The following CHD8 variants were observed in gnomAD, a reference collection of about 807,000 sequenced individuals.
The protein encoded by CHD8 is chromodomain helicase DNA binding protein 8, also known as ATP-dependent chromatin remodeler CHD8.
A neutral mutation model predicts 279.2 loss-of-function variants in CHD8; 31 were observed. The observed-to-expected ratio is 0.11, with a 90% CI of 0.08 to 0.15. CHD8 has a LOEUF of 0.15. Among genes scored for constraint, CHD8 ranks in the 10% least tolerant of loss-of-function variants. The pLI, the probability that CHD8 is intolerant of heterozygous loss-of-function variation, is 1.00. For synonymous variants in CHD8, 1,081 were observed against 1,139.6 expected (o/e 0.95, Z 1.04); for missense variants, 2,146 against 3,230.5 (o/e 0.66, Z 8.14).
intron 1 of CHD8, among the ~76,000 whole-genome samples, chr14:21,445,936 G>T (rs1007618922): frequency 2.0e-5 from 3 of 152,116 alleles, no homozygotes; most frequent in African/African-American, 7.2e-5. Context: ...GGAGGTGAAG[G>T]TTGCAGTGAG....
At chr14:21,454,325 C>T (rs1038351965) in intron 1 of CHD8, among the ~76,000 whole-genome samples, 92 of 152,282 alleles carry the variant, frequency 6.0e-4, no homozygotes, top group Non-Finnish European at 1.1e-3. Context: ...TTATCCCAAT[C>T]CATTACTCCT....
At chr14:21,448,705 C>T (rs557980774) in intron 1 of CHD8, among the ~76,000 whole-genome samples, 44 of 151,962 alleles carry the variant, frequency 2.9e-4, no homozygotes, top group Admixed American at 2.5e-3. Flanking sequence ...TACAGGCGCG[C>T]GCCACTACAC....
intron 37 of CHD8, among the ~76,000 whole-genome samples, chr14:21,387,631 T>A (rs1226612947): frequency 1.7e-5 from 2 of 114,886 alleles, no homozygotes; most frequent in Non-Finnish European, 3.4e-5. Context: ...AGAGTGAAAC[T>A]CTGTATCAAA....
intron 9 of CHD8, 175 bp downstream of exon 9, chr14:21,414,126 C>T: frequency 1.8e-6 from 1 of 566,044 alleles, no homozygotes; most frequent in Non-Finnish European, 3.1e-6. Flanking sequence ...CATATTTAAA[C>T]CTAACAAAAC....
At chr14:21,434,515 A>T (rs1889698534) in intron 1 of CHD8, among the ~76,000 whole-genome samples, 1 of 152,056 alleles carries the variant, frequency 6.6e-6, no homozygotes, top group African/African-American at 2.4e-5. Context: ...AAATAGGAGA[A>T]ACAAGGCTGA....
At chr14:21,444,474 T>A (rs1450568818) in intron 1 of CHD8, among the ~76,000 whole-genome samples, 3 of 152,070 alleles carry the variant, frequency 2.0e-5, no homozygotes, top group African/African-American at 7.2e-5. Flanking sequence ...GATTCTAGAG[T>A]CTGAAGATCA....
intron 1 of CHD8, among the ~76,000 whole-genome samples, chr14:21,455,444 T>C (rs1208005965): frequency 6.6e-6 from 1 of 152,168 alleles, no homozygotes; most frequent in Non-Finnish European, 1.5e-5. Context: ...TCAAGGAGGA[T>C]GCAAGGCTTG....
chr14:21,400,848 A>C lies in CHD8; in HGVS notation c.4370+27T>G, dbSNP rs776835724. On this transcript the variant is annotated intron_variant, in intron 22 of 37. Transcript: ENST00000646647. The surrounding 1 kb of genome is among the most constrained non-coding windows in gnomAD (Gnocchi z 4.2). ...TCAGGATGGAGATGCACTATGCACT[A>C]CCTCTAATGGTAAGTTGGGGTCTTA... 4.0e-5 allele frequency: 63 copies of C among 1,575,252 alleles called. No individual in the cohort carries two copies. The highest frequency in any genetic ancestry group is 5.3e-5 in the Non-Finnish European group (61 of 1,161,358).
intron 5 of CHD8, among the ~76,000 whole-genome samples, chr14:21,421,797 A>C (rs1052455581): frequency 2.0e-5 from 3 of 152,184 alleles, no homozygotes; most frequent in African/African-American, 4.8e-5. Flanking sequence ...GAAATTGGGA[A>C]TAGGGCTTCC....
chr14:21,405,006 A>G lies in CHD8; in HGVS notation c.3307+203T>C. Reference sequence around the variant, plus strand: ...GCCATCACACCTGGCTAATTTTTGTATTTTTTGTAGAGGTGGGATTTCATC... The same window carrying G: ...GCCATCACACCTGGCTAATTTTTGTGTTTTTTGTAGAGGTGGGATTTCATC... On this transcript the variant is annotated intron_variant, in intron 16 of 37. Transcript: ENST00000646647. The surrounding 1 kb of genome is among the most constrained non-coding windows in gnomAD (Gnocchi z 4.2). 1.8e-6 allele frequency: 1 copy of G among 564,868 alleles called. No homozygotes were observed. The highest frequency in any genetic ancestry group is 3.0e-5 in the East Asian group (1 of 33,336). 35.0% of individuals were successfully genotyped at this position (564,868 alleles called of 1,614,324 possible).
At chr14:21,429,592 G>A (rs747265316) in intron 2 of CHD8, 1 of 576,454 alleles carries the variant, frequency 1.7e-6, no homozygotes, top group East Asian at 3.6e-5. Flanking sequence ...GCAAGGGAGT[G>A]CTGCCCTGCT....
At position 21,400,684 on chromosome 14, in the gene CHD8, T is replaced by C; in HGVS notation, c.4371-72A>G. The C allele has an allele frequency of 7.3e-7, 1 of 1,367,046 alleles. No individual in the cohort carries two copies. The highest frequency in any genetic ancestry group is 9.8e-7 in the Non-Finnish European group (1 of 1,017,406). 84.7% of individuals were successfully genotyped at this position (1,367,046 alleles called of 1,614,324 possible). The stretch of plus-strand genomic sequence containing the variant: ...CCCCTGTCCCTCAGAATCATGTCTC[T>C]GAAAAGGTGTGAAACAAAGATCTTA... On this transcript the variant is annotated intron_variant, in intron 22 of 37. Transcript: ENST00000646647. This position sits in a 1 kb window ranked among gnomAD's most constrained non-coding sequence, Gnocchi z 4.2.
chr14:21,408,196 C>T lies in CHD8; in HGVS notation c.2730+116G>A. On this transcript the variant is annotated intron_variant, in intron 13 of 37. Coordinates refer to ENST00000646647, the MANE Select transcript of CHD8 (RefSeq NM_001170629.2). The surrounding 1 kb of genome is among the most constrained non-coding windows in gnomAD (Gnocchi z 4.3). The stretch of plus-strand genomic sequence containing the variant: ...ATGCCTTAAACCATAGGCATTTTTG[C>T]ATAGGCATATTGAAGACTTTCAATA... 7.9e-7 allele frequency: 1 copy of T among 1,268,008 alleles called. No homozygotes were observed. The highest frequency in any genetic ancestry group is 1.1e-6 in the Non-Finnish European group (1 of 922,980). The allele number at this position is 1,268,008 out of a possible 1,614,324, so 78.5% of individuals were successfully genotyped here. A position where few individuals can be genotyped will look rare whatever the true frequency, so the allele number is the denominator to read the frequency against.
intron 36 of CHD8, 28 bp downstream of exon 36, chr14:21,391,435 A>C: frequency 6.8e-6 from 11 of 1,605,918 alleles, no homozygotes; most frequent in East Asian, 2.2e-5. Flanking sequence ...AATGACTTTA[A>C]ATCTTGCTGG....
chr14:21,396,205 A>C (rs1183599481), intron 27 of CHD8, among the ~76,000 whole-genome samples: 2 of 151,978 alleles, frequency 1.3e-5, no homozygotes, highest in African/African-American at 4.8e-5. Context: ...CATATTGCCC[A>C]GGCTCATCTC....
chr14:21,441,868 G>A (rs998451119), intron 1 of CHD8, among the ~76,000 whole-genome samples: 2 of 149,600 alleles, frequency 1.3e-5, no homozygotes, highest in African/African-American at 2.5e-5. Context: ...CAGCCTGGGT[G>A]ACAGAGCGAG....
intron 33 of CHD8, 88 bp downstream of exon 33, chr14:21,393,018 T>C: frequency 2.1e-6 from 3 of 1,416,596 alleles, no homozygotes; most frequent in South Asian, 1.4e-5. Context: ...ATTTTAAAAA[T>C]CCAGAACCAT....
At position 21,394,205 on chromosome 14, in the gene CHD8, A is replaced by G. The variant is rs1269142113; in HGVS notation, c.5600-10T>C. 4 of 1,608,854 alleles carry G rather than the reference A, an allele frequency of 2.5e-6. No individual in the cohort carries two copies. The highest frequency in any genetic ancestry group is 1.7e-5 in the Admixed American group (1 of 59,866). ...TTAGGGTCGGGGGGTTCTGCAAGAG[A>G]CAGGAGTAGAAGAAATTAACAGAGT... is the stretch of plus-strand genomic sequence containing the variant. On this transcript the variant is annotated splice_polypyrimidine_tract_variant and intron_variant, in intron 31 of 37. Coordinates refer to ENST00000646647, the MANE Select transcript of CHD8 (RefSeq NM_001170629.2).
chr14:21,417,753 C>T (rs1888794787), intron 5 of CHD8, among the ~76,000 whole-genome samples: 1 of 150,918 alleles, frequency 6.6e-6, no homozygotes, highest in Non-Finnish European at 1.5e-5. Flanking sequence ...ACTCGGGAGG[C>T]TGAGGCAGGA....
Sources: allele counts gnomAD v4.1 joint callset (sites outside exome capture counted in the v4.1 genomes callset), GRCh38; gene constraint gnomAD v4.1.1; non-coding constraint Gnocchi (gnomAD v3.1); transcripts MANE v1.5; gene names NCBI Gene and HGNC (gene_info 2026-07-23, HGNC 2026-07-21).